Variants in CGGBP1 observed in about 807,000 individuals in gnomAD.
CGGBP1 encodes CGG triplet repeat binding protein 1.
CGGBP1 carries 4 observed loss-of-function variants against 11.4 expected under a neutral mutation model. The observed-to-expected ratio is 0.35, with a 90% confidence interval of 0.17 to 0.80. The LOEUF is 0.80. CGGBP1 is among the 30% of genes least tolerant of loss of function. The pLI, the probability that CGGBP1 is intolerant of heterozygous loss-of-function variation, is 0.52. For missense variants in CGGBP1, 135 were observed against 202.1 expected (o/e 0.67, Z 2.01); for synonymous variants, 76 against 74.1 (o/e 1.03, Z -0.13).
In CGGBP1 at chr3:88,054,839, G is replaced by C. The variant is rs1706505983; in HGVS notation, c.*634C>G. 6.6e-6 allele frequency: 1 copy of C among 152,550 alleles called. No individual in the cohort carries two copies. 9.4% of individuals were successfully genotyped at this position (152,550 alleles called of 1,614,324 possible). A position where few individuals can be genotyped will look rare whatever the true frequency, so the allele number is the denominator to read the frequency against. Reference sequence around the variant, plus strand: ...TGACGTTGAAAGATTTTAGTCTTTTGGTCACTTGAAGCTGCTACAAAATAC... The same window carrying C: ...TGACGTTGAAAGATTTTAGTCTTTTCGTCACTTGAAGCTGCTACAAAATAC... On this transcript the variant is annotated 3_prime_UTR_variant, in exon 4 of 4. Coordinates refer to ENST00000482016, the MANE Select transcript of CGGBP1 (RefSeq NM_001008390.2).
intron 2 of CGGBP1, among the ~76,000 whole-genome samples, chr3:88,068,996 G>T (rs1426593514): frequency 6.6e-6 from 1 of 152,110 alleles, no homozygotes; most frequent in Non-Finnish European, 1.5e-5. Flanking sequence ...GCTTACTAAA[G>T]CAGTTTTGAT....
intron 2 of CGGBP1, chr3:88,129,706 G>T: frequency 1.3e-6 from 2 of 1,500,322 alleles, no homozygotes; most frequent in East Asian, 2.5e-5. Flanking sequence ...AAAACTGATT[G>T]TAAGAGTGGA....
chr3:88,135,124 A>G, intron 2 of CGGBP1: 2 of 1,484,330 alleles, frequency 1.3e-6, no homozygotes, highest in Non-Finnish European at 1.8e-6. Flanking sequence ...AAGTTTTTGT[A>G]GATCAATGCT....
At chr3:88,128,161 G>A (rs1356257541) in intron 2 of CGGBP1, among the ~76,000 whole-genome samples, 1 of 151,966 alleles carries the variant, frequency 6.6e-6, no homozygotes, top group Non-Finnish European at 1.5e-5. Context: ...TAAGGTTGTT[G>A]TTAGGTCTAA....
intron 2 of CGGBP1, among the ~76,000 whole-genome samples, chr3:88,103,762 CTTTTT>C (rs56210218): frequency 3.6e-5 from 3 of 83,348 alleles, no homozygotes; most frequent in Admixed American, 1.4e-4. Flanking sequence ...GATGTATTAA[CTTTTT>C]TTTTTTTTTT....
chr3:88,057,169 G>T (rs911735158), intron 3 of CGGBP1, 22 bp downstream of exon 3: 1 of 152,092 alleles, frequency 6.6e-6, no homozygotes, highest in African/African-American at 2.4e-5. Flanking sequence ...CAGAAACGAT[G>T]GAGTATTCCA....
chr3:88,053,440 T>C lies in CGGBP1; in HGVS notation c.*2033A>G, dbSNP rs1463949736. On this transcript the variant is annotated 3_prime_UTR_variant, in exon 4 of 4. Coordinates refer to ENST00000482016, the MANE Select transcript of CGGBP1 (RefSeq NM_001008390.2). ...GTCTGAAAAAATACATTAAGATATA[T>C]AAAATTTAAGTGATTATCAAATCAG... 2.6e-5 allele frequency: 4 copies of C among 152,136 alleles called. No individual in the cohort carries two copies. Among genetic ancestry groups the C allele is most frequent in the Non-Finnish European group, 5.9e-5 (4 of 67,970 alleles). The allele number at this position is 152,136 out of a possible 1,614,324, so 9.4% of individuals were successfully genotyped here.
chr3:88,105,804 T>C (rs1380980768), intron 2 of CGGBP1, among the ~76,000 whole-genome samples: 2 of 152,214 alleles, frequency 1.3e-5, no homozygotes, highest in East Asian at 1.9e-4. Context: ...TATCCTTTGG[T>C]ATGCTTTATC....
intron 2 of CGGBP1, among the ~76,000 whole-genome samples, chr3:88,086,081 A>G (rs973158468): frequency 3.3e-5 from 5 of 152,202 alleles, no homozygotes; most frequent in Non-Finnish European, 7.3e-5. Context: ...ATAATAATTG[A>G]TTTTATTTTC....
chr3:88,064,846 A>G (rs1707105243), intron 2 of CGGBP1, among the ~76,000 whole-genome samples: 1 of 152,242 alleles, frequency 6.6e-6, no homozygotes, highest in Non-Finnish European at 1.5e-5. Context: ...GAAGTCTCAA[A>G]TTAGTTTTCT....
At chr3:88,134,586 A>G (rs1240828523) in intron 2 of CGGBP1, among the ~76,000 whole-genome samples, 1 of 152,108 alleles carries the variant, frequency 6.6e-6, no homozygotes, top group Non-Finnish European at 1.5e-5. Flanking sequence ...GAAACATACT[A>G]TTTCAGAATC....
intron 2 of CGGBP1, among the ~76,000 whole-genome samples, chr3:88,108,131 G>C (rs922221070): frequency 2.6e-4 from 39 of 151,890 alleles, no homozygotes; most frequent in Admixed American, 6.6e-4. Flanking sequence ...TTAAATTCTT[G>C]GCTTGAGAAT....
rs528897644 is a variant in CGGBP1, at chr3:88,143,316, T to G, written c.-337-2238A>C. ...TAAGTCCATTCCAAATTTAAATTTGTTTCTGTTATGTAGCCTATATTAGGC... is the reference window on the plus strand; with the variant it reads ...TAAGTCCATTCCAAATTTAAATTTGGTTCTGTTATGTAGCCTATATTAGGC... On this transcript the variant is annotated intron_variant, in intron 1 of 3. Coordinates refer to the CGGBP1 transcript ENST00000462901. 6 of 152,326 alleles carry G rather than the reference T, an allele frequency of 3.9e-5. No homozygotes were observed. In the South Asian group the frequency reaches 6.2e-4, roughly 16 times the overall value. 9.4% of individuals were successfully genotyped at this position (152,326 alleles called of 1,614,324 possible).
intron 2 of CGGBP1, among the ~76,000 whole-genome samples, chr3:88,108,935 C>A (rs1704911294): frequency 6.6e-6 from 1 of 152,074 alleles, no homozygotes; most frequent in South Asian, 2.1e-4. Flanking sequence ...GTTTTACTGT[C>A]ACACCTCAAA....
intron 2 of CGGBP1, among the ~76,000 whole-genome samples, chr3:88,118,747 T>C (rs1026744126): frequency 1.3e-5 from 2 of 152,194 alleles, no homozygotes; most frequent in African/African-American, 2.4e-5. Flanking sequence ...TTTTCAAAAC[T>C]GTGCTACCAT....
chr3:88,059,167 G>C, upstream of CGGBP1: 1 of 1,393,884 alleles, frequency 7.2e-7, no homozygotes, highest in Middle Eastern at 2.6e-4. Context: ...GCGTGGGTGG[G>C]CGGAGCCGGA....
intron 2 of CGGBP1, chr3:88,135,052 C>A (rs768482517): frequency 2.2e-6 from 3 of 1,378,318 alleles, no homozygotes; most frequent in South Asian, 3.5e-5. Context: ...CTTTTTTTCT[C>A]ATTTACAGGG....
intron 1 of CGGBP1, among the ~76,000 whole-genome samples, chr3:88,146,647 C>T (rs1308345919): frequency 6.6e-6 from 1 of 152,182 alleles, no homozygotes; most frequent in Non-Finnish European, 1.5e-5. Flanking sequence ...CATACCCTGT[C>T]TTTGGCTCCA....
chr3:88,055,469 C>T lies in CGGBP1; in HGVS notation c.*4G>A, dbSNP rs1706520143. 1 of 1,514,030 alleles carries T rather than the reference C, an allele frequency of 6.6e-7. No individual in the cohort carries two copies. The highest frequency in any genetic ancestry group is 8.8e-7 in the Non-Finnish European group (1 of 1,130,812). The allele number at this position is 1,514,030 out of a possible 1,614,324, so 93.8% of individuals were successfully genotyped here. ...TCTTGATCACAATGGTGGTAACCTC[C>T]TAGTCAACAATCTTGTGAGTTGAGG... On this transcript the variant is annotated 3_prime_UTR_variant, in exon 4 of 4. Coordinates refer to ENST00000482016, the MANE Select transcript of CGGBP1 (RefSeq NM_001008390.2). The surrounding 1 kb of genome is among the most constrained non-coding windows in gnomAD (Gnocchi z 4.2).
Sources: gnomAD v4.1 joint callset for allele counts (sites outside exome capture counted in the v4.1 genomes callset) on GRCh38, gnomAD v4.1.1 for gene constraint, Gnocchi (gnomAD v3.1) non-coding constraint, MANE v1.5 for transcripts, NCBI Gene and HGNC (gene_info 2026-07-23, HGNC 2026-07-21) for gene names.